The following TRDN variants were observed in gnomAD, a reference collection of about 807,000 sequenced individuals.
The protein encoded by TRDN is triadin in skeletal muscle.
In TRDN, 161 loss-of-function variants were observed where a neutral mutation model predicts 149.7. That is an observed-to-expected ratio of 1.08 (90% CI 0.95 to 1.23). The LOEUF (loss-of-function observed/expected upper bound fraction) is 1.23. Among genes scored for constraint, TRDN ranks in the 50% most tolerant of loss-of-function variants. The pLI, the probability that TRDN is intolerant of heterozygous loss-of-function variation, is 0.00. For synonymous variants in TRDN, 294 were observed against 250.5 expected (o/e 1.17, Z -1.64); for missense variants, 896 against 823.5 (o/e 1.09, Z -1.08).
intron 7 of TRDN, among the ~76,000 whole-genome samples, chr6:123,510,524 T>C (rs1287891674): frequency 6.6e-6 from 1 of 152,134 alleles, no homozygotes; most frequent in Non-Finnish European, 1.5e-5. Context: ...TTATTCAATA[T>C]GCCAAAATAT....
intron 9 of TRDN, among the ~76,000 whole-genome samples, chr6:123,491,341 A>T (rs1778210156): frequency 1.3e-5 from 2 of 152,178 alleles, no homozygotes; most frequent in African/African-American, 4.8e-5. Context: ...TATCTGCAAG[A>T]TGAATACACT....
Position 123,600,158 on chromosome 6 carries a change from A to G in TRDN, c.23-29026T>C, listed in dbSNP as rs114629985. On this transcript the variant is annotated intron_variant, in intron 1 of 40. Coordinates refer to ENST00000334268, the MANE Select transcript of TRDN (RefSeq NM_006073.4). ...TGGAATAGATGCTCCAAAAATGTGT[A>G]CTGTATTAGAAATGAACCCCTTTGT... 6.6e-3 allele frequency among the ~76,000 whole-genome samples: 1,005 copies of G among 152,134 alleles called. 21 individuals carry two copies. Among genetic ancestry groups the G allele is most frequent in the African/African-American group, 0.023 (949 of 41,516 alleles).
intron 12 of TRDN, among the ~76,000 whole-genome samples, chr6:123,405,141 A>G (rs1474091682): frequency 2.0e-5 from 3 of 152,240 alleles, no homozygotes; most frequent in African/African-American, 4.8e-5. Context: ...CAGTCAACCT[A>G]GAGGTTGCCT....
intron 10 of TRDN, among the ~76,000 whole-genome samples, chr6:123,441,468 T>C (rs144622567): frequency 2.8e-4 from 42 of 152,304 alleles, no homozygotes; most frequent in African/African-American, 8.9e-4. Context: ...TATCAGAATA[T>C]TACCTTTCCC....
At chr6:123,621,950 T>C (rs1785404235) in intron 1 of TRDN, among the ~76,000 whole-genome samples, 1 of 152,192 alleles carries the variant, frequency 6.6e-6, no homozygotes, top group African/African-American at 2.4e-5. Context: ...CATTACTCCT[T>C]AGTAAATGAT....
chr6:123,390,047 T>C (rs1782048868), intron 13 of TRDN, among the ~76,000 whole-genome samples: 1 of 152,030 alleles, frequency 6.6e-6, no homozygotes, highest in South Asian at 2.1e-4. Context: ...TTTGGATGGA[T>C]GGGTATGGGG....
chr6:123,611,700 T>A (rs1784817597), intron 1 of TRDN, among the ~76,000 whole-genome samples: 2 of 152,116 alleles, frequency 1.3e-5, no homozygotes, highest in African/African-American at 2.4e-5. Flanking sequence ...GGATTTTAGA[T>A]CTATGATTGT....
At chr6:123,359,000 C>T (rs992027855) in intron 20 of TRDN, among the ~76,000 whole-genome samples, 9 of 152,036 alleles carry the variant, frequency 5.9e-5, no homozygotes, top group Non-Finnish European at 1.2e-4. Flanking sequence ...TAAGATACTG[C>T]CAGAAATATA....
chr6:123,493,350 G>C (rs1339759136), intron 9 of TRDN, among the ~76,000 whole-genome samples: 1 of 152,046 alleles, frequency 6.6e-6, no homozygotes, highest in African/African-American at 2.4e-5. Context: ...CTAGGATAGT[G>C]CATATTCACC....
intron 35 of TRDN, among the ~76,000 whole-genome samples, chr6:123,256,109 G>A (rs576519177): frequency 1.3e-4 from 20 of 151,824 alleles, no homozygotes; most frequent in Non-Finnish European, 2.4e-4. Context: ...CCTCAGAGAG[G>A]CCCCAATGTG....
At chr6:123,381,325 T>C (rs921435302) in intron 16 of TRDN, 45 bp downstream of exon 16, 2 of 1,523,242 alleles carry the variant, frequency 1.3e-6, no homozygotes, top group Non-Finnish European at 1.8e-6. Context: ...CAAATAATAG[T>C]AGTAAAAAAA....
At chr6:123,430,511 G>A (rs1008143573) in intron 12 of TRDN, among the ~76,000 whole-genome samples, 15 of 152,066 alleles carry the variant, frequency 9.9e-5, no homozygotes, top group African/African-American at 3.6e-4. Flanking sequence ...GAACACGGGA[G>A]GCGGAGGTTG....
At chr6:123,366,007 T>C (rs991794664) in intron 20 of TRDN, 128 bp downstream of exon 20, 1 of 755,752 alleles carries the variant, frequency 1.3e-6, no homozygotes, top group African/African-American at 1.8e-5. Context: ...AATAGGTTTG[T>C]TTCTATATCA....
rs971181995 is a variant in TRDN at position 123,547,193 on chromosome 6, T to C, written c.424+147A>G. 3 of 510,358 alleles carry C rather than the reference T, an allele frequency of 5.9e-6. No homozygotes were observed. The African/African-American group carries it at 6.1e-5, about 10-fold the overall frequency. 31.6% of individuals were successfully genotyped at this position (510,358 alleles called of 1,614,324 possible). The stretch of plus-strand genomic sequence containing the variant: ...AGATCACCTTCATTGGAAAAGAAAT[T>C]GAGTATTTTTTTTCTGACTATAAAT... On this transcript the variant is annotated intron_variant, in intron 4 of 40. Coordinates refer to ENST00000334268, the MANE Select transcript of TRDN (RefSeq NM_006073.4).
At chr6:123,225,607 G>T (rs1358712891) in intron 38 of TRDN, among the ~76,000 whole-genome samples, 1 of 151,046 alleles carries the variant, frequency 6.6e-6, no homozygotes, top group Non-Finnish European at 1.5e-5. Flanking sequence ...GCTTGATTTT[G>T]GTAATCATTT....
intron 38 of TRDN, among the ~76,000 whole-genome samples, chr6:123,226,091 AT>A (rs765477862): frequency 2.6e-5 from 4 of 151,552 alleles, no homozygotes; most frequent in East Asian, 3.9e-4. Flanking sequence ...AATTACTAGA[AT>A]TTTTTTTACT....
intron 38 of TRDN, among the ~76,000 whole-genome samples, chr6:123,244,826 T>A (rs975666260): frequency 6.6e-6 from 1 of 151,816 alleles, no homozygotes. Flanking sequence ...AAAGAAAAAA[T>A]GTTAAGGGCA....
chr6:123,235,581 C>A (rs1037790725), intron 38 of TRDN, among the ~76,000 whole-genome samples: 1 of 152,162 alleles, frequency 6.6e-6, no homozygotes. Flanking sequence ...TTAAAATAAT[C>A]ACACAGTAAA....
Position 123,482,165 on chromosome 6 carries a change from C to CTA in TRDN, c.853+15026_853+15027dup, listed in dbSNP as rs1193279814. 3.9e-5 allele frequency among the ~76,000 whole-genome samples: 6 copies of CTA among 152,224 alleles called. No individual in the cohort carries two copies. In the East Asian group the frequency reaches 1.2e-3, roughly 29 times the overall value. On this transcript the variant is annotated intron_variant, in intron 9 of 40. Coordinates refer to ENST00000334268, the MANE Select transcript of TRDN (RefSeq NM_006073.4). ...GAGACATGAAAAGCGTAAAGCAGAG[C>CTA]TATACAGCCAATTAAAAAGAAATCT...
Sources: gnomAD v4.1 joint callset for allele counts (sites outside exome capture counted in the v4.1 genomes callset) on GRCh38, gnomAD v4.1.1 for gene constraint, MANE v1.5 for transcripts, NCBI Gene and HGNC (gene_info 2026-07-23, HGNC 2026-07-21) for gene names.